The following RAPGEF2 variants were observed in gnomAD, a reference collection of about 807,000 sequenced individuals.
RAPGEF2 encodes the protein PDZ domain containing guanine nucleotide exchange factor (GEF) 1.
Under a neutral mutation model 186.7 loss-of-function variants are expected in RAPGEF2, and 54 were observed. That is an observed-to-expected ratio of 0.29 (90% CI 0.23 to 0.36). The LOEUF (loss-of-function observed/expected upper bound fraction) is 0.36, where lower values mean the gene tolerates loss of function less well. Ranked by LOEUF, RAPGEF2 falls within the 10% of genes least tolerant of loss-of-function variation. The pLI is 1.00. For synonymous variants in RAPGEF2, 712 were observed against 705.9 expected, an observed-to-expected ratio of 1.01 and a Z score of -0.14; for missense variants, 1,532 against 2,045.0, an observed-to-expected ratio of 0.75 and a Z score of 4.84.
intron 4 of RAPGEF2, among the ~76,000 whole-genome samples, chr4:159,220,904 C>T (rs1751470394): frequency 6.6e-6 from 1 of 152,128 alleles, no homozygotes; most frequent in Admixed American, 6.6e-5. Flanking sequence ...ATTATGATAA[C>T]ATATTCCCTT....
At chr4:159,110,326 G>C (rs1177295388) in intron 1 of RAPGEF2, among the ~76,000 whole-genome samples, 1 of 152,140 alleles carries the variant, frequency 6.6e-6, no homozygotes, top group Non-Finnish European at 1.5e-5. Context: ...TGTGGCTCAT[G>C]CCTCTAATCC....
At chr4:159,194,000 C>T (rs1162921721) in intron 3 of RAPGEF2, among the ~76,000 whole-genome samples, 1 of 152,034 alleles carries the variant, frequency 6.6e-6, no homozygotes, top group Non-Finnish European at 1.5e-5. Flanking sequence ...ACAACAACAA[C>T]AGAAACAAAC....
At chr4:159,258,078 G>A (rs539786490) in intron 7 of RAPGEF2, among the ~76,000 whole-genome samples, 1 of 152,204 alleles carries the variant, frequency 6.6e-6, no homozygotes, top group East Asian at 1.9e-4. Context: ...CCAGTTGTTA[G>A]CAATTCTAAT....
At chr4:159,220,852 T>C (rs1398627484) in intron 4 of RAPGEF2, among the ~76,000 whole-genome samples, 1 of 152,236 alleles carries the variant, frequency 6.6e-6, no homozygotes, top group Non-Finnish European at 1.5e-5. Flanking sequence ...ATTATATTTT[T>C]AACTTGACCT....
At chr4:159,330,275 G>GTATATGTATA in intron 12 of RAPGEF2, 59 bp from the exon 13 acceptor site, 1 of 789,680 alleles carries the variant, frequency 1.3e-6, no homozygotes, top group East Asian at 2.4e-5. Flanking sequence ...ATGTGTGTGT[G>GTATATGTATA]TGTGTGTGTG....
At chr4:159,214,310 G>A (rs1176754797) in intron 4 of RAPGEF2, among the ~76,000 whole-genome samples, 1 of 152,196 alleles carries the variant, frequency 6.6e-6, no homozygotes, top group Non-Finnish European at 1.5e-5. Context: ...ATAATTGACA[G>A]GCAGAGGGTA....
intron 9 of RAPGEF2, among the ~76,000 whole-genome samples, chr4:159,315,275 GTCTT>G (rs1259976319): frequency 6.6e-6 from 1 of 150,974 alleles, no homozygotes; most frequent in South Asian, 2.1e-4. Context: ...CTTTTTTTCT[GTCTT>G]TCTTTTGCTG....
rs13435531 is a variant in RAPGEF2, at chr4:159,274,014, G to A, written c.543+30223G>A. On this transcript the variant is annotated intron_variant, in intron 7 of 29. Transcript: ENST00000691494. ...GCCATGTTGGCCTGGCCGGTCTTGA[G>A]CTCCTGACCTCAGGTGACCTGCCTG... is the stretch of plus-strand genomic sequence containing the variant. Among the ~76,000 whole-genome samples, 1,241 of 152,060 alleles carry A rather than the reference G, an allele frequency of 8.2e-3. 14 individuals are homozygous for A. Among genetic ancestry groups the A allele is most frequent in the African/African-American group, 0.028 (1,170 of 41,474 alleles).
At chr4:159,289,901 T>G (rs1168357709) in intron 7 of RAPGEF2, among the ~76,000 whole-genome samples, 1 of 152,036 alleles carries the variant, frequency 6.6e-6, no homozygotes, top group East Asian at 1.9e-4. Flanking sequence ...GAAATAGATT[T>G]ATATATTTAG....
intron 1 of RAPGEF2, among the ~76,000 whole-genome samples, chr4:159,144,697 G>T (rs990231244): frequency 1.3e-5 from 2 of 152,084 alleles, no homozygotes; most frequent in Non-Finnish European, 2.9e-5. Context: ...CAAGATAATG[G>T]ATTTTTTCCA....
At chr4:159,227,922 C>G (rs554886167) in intron 4 of RAPGEF2, among the ~76,000 whole-genome samples, 60 of 152,270 alleles carry the variant, frequency 3.9e-4, no homozygotes, top group African/African-American at 1.3e-3. Flanking sequence ...TGTAGTACAG[C>G]TTGGGTAAAT....
rs1017545203 is a variant in RAPGEF2 at position 159,165,234 on chromosome 4, C to A, written c.70-21408C>A. Among the ~76,000 whole-genome samples the A allele has an allele frequency of 3.3e-5, 5 of 152,116 alleles. No homozygotes were observed. The East Asian group carries it at 9.6e-4, about 29-fold the overall frequency. On this transcript the variant is annotated intron_variant, in intron 1 of 29. Transcript: ENST00000691494. ...TTTGGATATTAATTAAATGATGACT[C>A]ATTACAAAGGAGTCTTGTTTTAAAT...
At chr4:159,350,039 G>T in intron 25 of RAPGEF2, 98 bp from the exon 26 acceptor site, 1 of 712,056 alleles carries the variant, frequency 1.4e-6, no homozygotes, top group Non-Finnish European at 2.2e-6. Context: ...TCAGTGTAAT[G>T]ATATTAAATC....
intron 1 of RAPGEF2, among the ~76,000 whole-genome samples, chr4:159,140,715 A>T (rs1296603128): frequency 6.6e-6 from 1 of 152,176 alleles, no homozygotes; most frequent in Non-Finnish European, 1.5e-5. Context: ...TATTTAGCAG[A>T]TAGGGCCTGG....
intron 7 of RAPGEF2, among the ~76,000 whole-genome samples, chr4:159,254,823 A>G (rs187740762): frequency 6.6e-6 from 1 of 151,980 alleles, no homozygotes; most frequent in East Asian, 1.9e-4. Context: ...CTGGTCTCGA[A>G]CTCTTAACCT....
Position 159,331,715 on chromosome 4 carries a change from G to A in RAPGEF2, c.1661G>A (p.Arg554Gln), listed in dbSNP as rs200591164. The change falls in exon 15 of 30, where the codon CGA becomes CAA. Residue 554 changes from arginine (R) to glutamine (Q), a missense_variant. By Grantham distance (43) the Arg-to-Gln change is conservative (BLOSUM62 1). Coordinates refer to ENST00000691494, the MANE Select transcript of RAPGEF2 (RefSeq NM_001394067.2). ...TTGATGACGTTAACAAAACCATCCC[G>A]AGAAGCTCCTTTGCCTTTTATCTTA... ...RRLMTLTKPS[R>Q]EAPLPFILLG... 16 of 1,613,978 alleles carry A rather than the reference G, an allele frequency of 9.9e-6. 1 individual carries two copies. Among genetic ancestry groups the A allele is most frequent in the South Asian group, 8.8e-5 (8 of 91,076 alleles).
intron 7 of RAPGEF2, among the ~76,000 whole-genome samples, chr4:159,262,805 T>C (rs1757022809): frequency 6.6e-6 from 1 of 150,482 alleles, no homozygotes; most frequent in Non-Finnish European, 1.5e-5. Context: ...AGATGCCACA[T>C]AAACAGTTTG....
chr4:159,260,793 G>A (rs565528985), intron 7 of RAPGEF2, among the ~76,000 whole-genome samples: 2 of 152,294 alleles, frequency 1.3e-5, no homozygotes, highest in Admixed American at 6.5e-5. Context: ...TTGTTGCCCA[G>A]GCTGGAGTGC....
chr4:159,341,990 G>C, intron 20 of RAPGEF2, 43 bp downstream of exon 20: 1 of 1,516,976 alleles, frequency 6.6e-7, no homozygotes, highest in South Asian at 1.3e-5. Flanking sequence ...TCAGTTCACA[G>C]ATTTAAAATA....
Sources: allele counts gnomAD v4.1 joint callset (sites outside exome capture counted in the v4.1 genomes callset), GRCh38; gene constraint gnomAD v4.1.1; transcripts MANE v1.5; gene names NCBI Gene and HGNC (gene_info 2026-07-23, HGNC 2026-07-21).